CSMD1: variants seen among roughly 807,000 people sequenced by gnomAD.
CSMD1 encodes CUB and Sushi multiple domains 1.
Under a neutral mutation model 417.5 loss-of-function variants are expected in CSMD1, and 213 were observed. The ratio of observed to expected loss-of-function variants is 0.51; its 90% CI spans 0.46 to 0.57. The LOEUF is 0.57. Ranked by LOEUF, CSMD1 falls within the 20% of genes least tolerant of loss-of-function variation. The pLI is 0.00. For synonymous variants in CSMD1, 2,862 were observed against 1,736.8 expected (o/e 1.65, Z -16.11); for missense variants, 6,923 against 4,529.7 (o/e 1.53, Z -15.17).
chr8:3,801,183 T>G (rs1378566387), intron 5 of CSMD1, among the ~76,000 whole-genome samples: 1 of 150,118 alleles, frequency 6.7e-6, no homozygotes, highest in Non-Finnish European at 1.5e-5. Context: ...GTCCACATAA[T>G]GAGAGAAAAT....
chr8:4,715,961 T>C (rs748446395), intron 1 of CSMD1, among the ~76,000 whole-genome samples: 4 of 152,198 alleles, frequency 2.6e-5, no homozygotes, highest in Non-Finnish European at 5.9e-5. Flanking sequence ...GTTAAATGTG[T>C]ATCAGGTCCT....
intron 3 of CSMD1, among the ~76,000 whole-genome samples, chr8:4,081,934 A>G (rs993655038): frequency 1.2e-4 from 18 of 152,254 alleles, no homozygotes; most frequent in African/African-American, 3.8e-4. Flanking sequence ...AAATACTTAT[A>G]TTACACTCGA....
At chr8:3,851,999 G>T (rs1181754402) in intron 5 of CSMD1, among the ~76,000 whole-genome samples, 2 of 152,074 alleles carry the variant, frequency 1.3e-5, no homozygotes, top group East Asian at 1.9e-4. Flanking sequence ...AGCATGGAGG[G>T]GCTGCAATCA....
intron 3 of CSMD1, among the ~76,000 whole-genome samples, chr8:4,327,767 A>G (rs1585240378): frequency 6.6e-6 from 1 of 152,224 alleles, no homozygotes; most frequent in Non-Finnish European, 1.5e-5. Context: ...CATTATTTTT[A>G]TTTAATCATA....
At chr8:3,503,997 G>C (rs1043059164) in intron 10 of CSMD1, among the ~76,000 whole-genome samples, 5 of 152,164 alleles carry the variant, frequency 3.3e-5, no homozygotes, top group African/African-American at 4.8e-5. Flanking sequence ...AGTCCAGCTA[G>C]ATAGGTGCAA....
chr8:3,696,827 T>C (rs940384512), intron 7 of CSMD1, among the ~76,000 whole-genome samples: 1 of 152,226 alleles, frequency 6.6e-6, no homozygotes, highest in African/African-American at 2.4e-5. Flanking sequence ...TGAATTAAAA[T>C]GTATTCCCAT....
At chr8:4,747,083 C>T (rs1315398529) in intron 1 of CSMD1, among the ~76,000 whole-genome samples, 1 of 152,142 alleles carries the variant, frequency 6.6e-6, no homozygotes, top group Non-Finnish European at 1.5e-5. Context: ...GCTAGAGCTG[C>T]CTGCACGACA....
At position 3,997,973 on chromosome 8, in the gene CSMD1, A is replaced by G. The variant is rs769039080; in HGVS notation, c.748T>C (p.Phe250Leu). The G allele has an allele frequency of 6.2e-7, 1 of 1,611,422 alleles. No individual in the cohort carries two copies. The highest frequency in any genetic ancestry group is 1.7e-5 in the Admixed American group (1 of 59,738). Residue 250 changes from phenylalanine to leucine, a missense_variant, in exon 5 of 70, where the codon TTC (phenylalanine) becomes CTC (leucine). Phe to Leu is a conservative substitution (Grantham distance 22, BLOSUM62 0). Transcript: ENST00000635120. ...AEPGDTIALV[F>L]TDFQLEEGYD... is the part of the protein sequence containing the mutation. ...CCTTCTTCTAGCTGAAAGTCAGTGA[A>G]GACCAGCGCAATGGTGTCCCCGGGC...
intron 3 of CSMD1, among the ~76,000 whole-genome samples, chr8:4,389,698 G>T (rs1803715211): frequency 6.6e-6 from 1 of 151,990 alleles, no homozygotes. Context: ...CACATTCTAA[G>T]ATTTTTTTAT....
chr8:3,971,000 C>T (rs375635019), intron 5 of CSMD1, among the ~76,000 whole-genome samples: 1 of 152,164 alleles, frequency 6.6e-6, no homozygotes, highest in Non-Finnish European at 1.5e-5. Flanking sequence ...ATCCCCCCGC[C>T]TCAGACTCCC....
At chr8:3,770,934 T>C (rs1019541658) in intron 5 of CSMD1, among the ~76,000 whole-genome samples, 2 of 152,146 alleles carry the variant, frequency 1.3e-5, no homozygotes, top group African/African-American at 2.4e-5. Context: ...TTGGTGAATC[T>C]CCGAATTCAA....
At chr8:3,572,540 C>A (rs901579478) in intron 10 of CSMD1, among the ~76,000 whole-genome samples, 1 of 152,204 alleles carries the variant, frequency 6.6e-6, no homozygotes, top group East Asian at 1.9e-4. Flanking sequence ...TCTCATAAAA[C>A]TACCTGGAAC....
At chr8:4,815,873 G>C (rs1799177301) in intron 1 of CSMD1, among the ~76,000 whole-genome samples, 1 of 152,110 alleles carries the variant, frequency 6.6e-6, no homozygotes, top group African/African-American at 2.4e-5. Flanking sequence ...GAGTGGGACT[G>C]CTTTGTGTGA....
chr8:4,665,332 A>T (rs957729323), intron 1 of CSMD1, among the ~76,000 whole-genome samples: 1 of 152,162 alleles, frequency 6.6e-6, no homozygotes, highest in African/African-American at 2.4e-5. Flanking sequence ...TTGTAAGGTA[A>T]ATTAACTGAA....
At chr8:4,568,751 C>CAT (rs1798740926) in intron 2 of CSMD1, among the ~76,000 whole-genome samples, 1 of 151,872 alleles carries the variant, frequency 6.6e-6, no homozygotes, top group East Asian at 1.9e-4. Flanking sequence ...TGTAAAAGCG[C>CAT]TCCTAATTCT....
At position 3,396,196 on chromosome 8, in the gene CSMD1, T is replaced by C; in HGVS notation, c.2591A>G (p.Glu864Gly). 6.4e-7 allele frequency: 1 copy of C among 1,558,092 alleles called. No individual in the cohort carries two copies. The highest frequency in any genetic ancestry group is 8.7e-7 in the Non-Finnish European group (1 of 1,151,062). Reference protein sequence around the residue: ...RSSIGFLIHYESVTLESDSCL... With the variant: ...RSSIGFLIHYGSVTLESDSCL... ...TGTCAAGGGAAGGTGCAACTCACTC[T>C]CATAGTGGATGAGGAAGCCGATGCT... Residue 864 changes from glutamate to glycine, a missense_variant and splice_region_variant, in exon 17 of 70, where the codon GAG becomes GGG. Transcript: ENST00000635120.
At chr8:3,223,162 C>T (rs1798311655) in intron 28 of CSMD1, among the ~76,000 whole-genome samples, 1 of 152,242 alleles carries the variant, frequency 6.6e-6, no homozygotes, top group African/African-American at 2.4e-5. Flanking sequence ...AGTTTATTTT[C>T]ATAAAATGAC....
intron 5 of CSMD1, among the ~76,000 whole-genome samples, chr8:3,793,927 T>C (rs1415865288): frequency 1.3e-5 from 2 of 152,158 alleles, no homozygotes; most frequent in Non-Finnish European, 2.9e-5. Context: ...ATTCTCTTGA[T>C]ACTCTCCCCC....
intron 1 of CSMD1, among the ~76,000 whole-genome samples, chr8:4,853,648 C>G (rs1197888138): frequency 6.6e-6 from 1 of 152,218 alleles, no homozygotes; most frequent in African/African-American, 2.4e-5. Flanking sequence ...AATGTCCCCA[C>G]TGGAACACTA....
Sources: allele counts gnomAD v4.1 joint callset (sites outside exome capture counted in the v4.1 genomes callset), GRCh38; gene constraint gnomAD v4.1.1; transcripts MANE v1.5; gene names NCBI Gene and HGNC (gene_info 2026-07-23, HGNC 2026-07-21).